AEBP2: variants seen among roughly 807,000 people sequenced by gnomAD.
AEBP2 encodes the protein zinc finger protein AEBP2.
A neutral mutation model predicts 50.8 loss-of-function variants in AEBP2; 10 were observed. The ratio of observed to expected loss-of-function variants is 0.20; its 90% confidence interval spans 0.12 to 0.33. The LOEUF is 0.33. AEBP2 is among the 10% of genes least tolerant of loss of function. The probability of loss-of-function intolerance (pLI) is 1.00; values close to 1 mark genes in which losing one functional copy is unlikely to be tolerated. For synonymous variants in AEBP2, 296 were observed against 261.3 expected, an observed-to-expected ratio of 1.13 and a Z score of -1.28; for missense variants, 570 against 688.0, an observed-to-expected ratio of 0.83 and a Z score of 1.92.
At chr12:19,432,662 C>G (rs2095752036) in intron 1 of AEBP2, among the ~76,000 whole-genome samples, 1 of 152,112 alleles carries the variant, frequency 6.6e-6, no homozygotes, top group Non-Finnish European at 1.5e-5. Context: ...TCACTGCACT[C>G]CAGCCTGGGC....
chr12:19,516,231 C>G (rs933603942), intron 7 of AEBP2, among the ~76,000 whole-genome samples: 1 of 152,146 alleles, frequency 6.6e-6, no homozygotes, highest in African/African-American at 2.4e-5. Flanking sequence ...CGAGTTACTT[C>G]TCTATAAAGA....
intron 5 of AEBP2, among the ~76,000 whole-genome samples, chr12:19,501,668 G>T (rs1013198705): frequency 2.6e-5 from 4 of 151,658 alleles, no homozygotes; most frequent in Non-Finnish European, 5.9e-5. Context: ...CACTAAATTT[G>T]GGTTACTTTT....
chr12:19,442,634 A>C (rs1266926675), intron 1 of AEBP2, among the ~76,000 whole-genome samples: 1 of 152,242 alleles, frequency 6.6e-6, no homozygotes, highest in Non-Finnish European at 1.5e-5. Flanking sequence ...AAACTTGATA[A>C]CCAAGCAAAC....
At chr12:19,406,536 G>A (rs760219884) in intron 1 of AEBP2, among the ~76,000 whole-genome samples, 6 of 151,896 alleles carry the variant, frequency 4.0e-5, no homozygotes, top group Non-Finnish European at 7.4e-5. Flanking sequence ...GAAAATAGCC[G>A]AACGTGGTGG....
In AEBP2 at chr12:19,440,359, C is replaced by G; in HGVS notation, c.660C>G (p.Asp220Glu). 6.8e-7 allele frequency: 1 copy of G among 1,470,772 alleles called. No individual in the cohort carries two copies. Among genetic ancestry groups the G allele is most frequent in the Non-Finnish European group, 8.9e-7 (1 of 1,118,248 alleles). The allele number at this position is 1,470,772 out of a possible 1,614,324, so 91.1% of individuals were successfully genotyped here. A position where few individuals can be genotyped will look rare whatever the true frequency, so the allele number is the denominator to read the frequency against. ...ATGGGGAACCCCTGAGCCGCATGGA[C>G]TCGGAGGACAGGTCAGTGCTCTGAA... ...SSDGEPLSRM[D>E]SEDSISSTIM... The change falls in exon 1 of 8, where the codon GAC (aspartate) becomes GAG (glutamate). Residue 220 changes from aspartate (D) to glutamate (E), a missense_variant. This residue lies in a region of AEBP2 where 386 missense variants were observed against 336.8 expected (regional missense o/e 1.15). Transcript: ENST00000266508.
intron 1 of AEBP2, among the ~76,000 whole-genome samples, chr12:19,418,341 C>T (rs533603849): frequency 7.4e-4 from 112 of 151,106 alleles, no homozygotes; most frequent in Non-Finnish European, 1.3e-3. Context: ...CCTCCCACCT[C>T]AGCCTCCTGA....
intron 5 of AEBP2, among the ~76,000 whole-genome samples, chr12:19,504,380 G>C (rs1949124961): frequency 2.0e-5 from 3 of 149,474 alleles, no homozygotes; most frequent in Admixed American, 6.7e-5. Context: ...GAATACAGGC[G>C]CCCCCCCCAC....
chr12:19,491,038 C>A (rs1733901940), intron 3 of AEBP2, among the ~76,000 whole-genome samples: 1 of 152,120 alleles, frequency 6.6e-6, no homozygotes, highest in African/African-American at 2.4e-5. Context: ...TACTCAGTTA[C>A]AATAACCATA....
chr12:19,508,189 A>T (rs2120571686), intron 5 of AEBP2, among the ~76,000 whole-genome samples: 1 of 152,206 alleles, frequency 6.6e-6, no homozygotes, highest in Non-Finnish European at 1.5e-5. Flanking sequence ...TATTTATTTG[A>T]CTACAGACTT....
At chr12:19,454,601 T>C (rs1948232129) in intron 1 of AEBP2, among the ~76,000 whole-genome samples, 1 of 152,214 alleles carries the variant, frequency 6.6e-6, no homozygotes, top group African/African-American at 2.4e-5. Context: ...TTTTTTTGAA[T>C]GTCAATAAAT....
At position 19,489,550 on chromosome 12, in the gene AEBP2, C is replaced by T. The variant is rs561106356; in HGVS notation, c.988-4250C>T. On this transcript the variant is annotated intron_variant, in intron 3 of 7. Coordinates refer to ENST00000266508, the MANE Select transcript of AEBP2 (RefSeq NM_153207.5). ...CCAGCTTTCCCCTCATCATTGAAATCGGTTTCTTTTTCATCAGAACACCAT... is the reference window on the plus strand; with the variant it reads ...CCAGCTTTCCCCTCATCATTGAAATTGGTTTCTTTTTCATCAGAACACCAT... 2.1e-4 allele frequency among the ~76,000 whole-genome samples: 32 copies of T among 152,250 alleles called. No homozygotes were observed. The East Asian group carries it at 3.7e-3, about 17-fold the overall frequency.
chr12:19,471,145 G>A (rs903026430), intron 2 of AEBP2, among the ~76,000 whole-genome samples: 1 of 151,952 alleles, frequency 6.6e-6, no homozygotes, highest in Admixed American at 6.6e-5. Context: ...GAGATGATCT[G>A]TCTCTTACTG....
chr12:19,466,212 C>T (rs912289746), intron 2 of AEBP2, among the ~76,000 whole-genome samples: 2 of 151,934 alleles, frequency 1.3e-5, no homozygotes, highest in South Asian at 2.1e-4. Flanking sequence ...CACAGTAATC[C>T]CAGCACTTTG....
chr12:19,473,180 T>A, intron 2 of AEBP2, 68 bp from the exon 3 acceptor site: 1 of 626,662 alleles, frequency 1.6e-6, no homozygotes, highest in Middle Eastern at 4.6e-4. Flanking sequence ...TTAATTTGAA[T>A]GTATGAGGAA....
intron 2 of AEBP2, among the ~76,000 whole-genome samples, chr12:19,473,027 C>G (rs976642690): frequency 6.6e-6 from 1 of 151,926 alleles, no homozygotes. Context: ...ATTCTGTGAT[C>G]GGTGTGTTAA....
In AEBP2 at chr12:19,439,766, G is replaced by T. The variant is rs1317094734; in HGVS notation, c.67G>T (p.Gly23Cys). 2.6e-6 allele frequency: 4 copies of T among 1,516,816 alleles called. No homozygotes were observed. The African/African-American group carries it at 5.7e-5, about 22-fold the overall frequency. The allele number at this position is 1,516,816 out of a possible 1,614,324, so 94.0% of individuals were successfully genotyped here. Residue 23 changes from glycine to cysteine, a missense_variant, in exon 1 of 8, where the codon GGC becomes TGC. Around this residue, in one of 2 missense-constraint regions of AEBP2, gnomAD observed 386 missense variants for 336.8 expected, o/e 1.15. Coordinates refer to ENST00000266508, the MANE Select transcript of AEBP2 (RefSeq NM_153207.5). ...ELSRLSPLPP[G>C]SPGSAARGRA... ...CTCCCGCCTGAGCCCTCTGCCCCCC[G>T]GCAGCCCGGGTTCGGCGGCGCGGGG...
At position 19,439,725 on chromosome 12, in the gene AEBP2, C is replaced by T; in HGVS notation, c.26C>T (p.Ala9Val). 6.6e-7 allele frequency: 1 copy of T among 1,515,902 alleles called. No individual in the cohort carries two copies. Among genetic ancestry groups the T allele is most frequent in the Non-Finnish European group, 8.8e-7 (1 of 1,138,774 alleles). 93.9% of individuals were successfully genotyped at this position (1,515,902 alleles called of 1,614,324 possible). A position where few individuals can be genotyped will look rare whatever the true frequency, so the allele number is the denominator to read the frequency against. MAAAITDMADLEELSRLSP... is the reference protein window; with the variant it reads MAAAITDMVDLEELSRLSP... ...ATGGCCGCCGCTATCACCGACATGGCCGACCTGGAGGAGCTCTCCCGCCTG... is the reference window on the plus strand; with the variant it reads ...ATGGCCGCCGCTATCACCGACATGGTCGACCTGGAGGAGCTCTCCCGCCTG... The change falls in exon 1 of 8, where the codon GCC becomes GTC. Residue 9 changes from alanine to valine, a missense_variant. Ala to Val is a moderately conservative substitution (Grantham distance 64, BLOSUM62 0). Transcript: ENST00000266508.
intron 3 of AEBP2, among the ~76,000 whole-genome samples, chr12:19,480,198 G>A (rs573976037): frequency 2.0e-3 from 300 of 152,254 alleles, no homozygotes; most frequent in Non-Finnish European, 3.4e-3. Flanking sequence ...AGCCTCTTGG[G>A]TTCAAGCAAT....
chr12:19,467,539 C>T (rs924946880), intron 2 of AEBP2, among the ~76,000 whole-genome samples: 2 of 151,888 alleles, frequency 1.3e-5, no homozygotes, highest in Non-Finnish European at 2.9e-5. Flanking sequence ...GGTGATCCAC[C>T]CGCCTCTGGC....
Sources: allele counts gnomAD v4.1 joint callset (sites outside exome capture counted in the v4.1 genomes callset), GRCh38; gene constraint gnomAD v4.1.1; regional missense constraint gnomAD v4.1.1; transcripts MANE v1.5; gene names NCBI Gene and HGNC (gene_info 2026-07-23, HGNC 2026-07-21).